Variants in ZNF726 observed in about 807,000 individuals in gnomAD.
ZNF726 encodes zinc finger protein 92 pseudogene 3.
In ZNF726, 15 loss-of-function variants were observed where a neutral mutation model predicts 11.6. The observed-to-expected ratio is 1.29, with a 90% CI of 0.86 to 1.99. ZNF726 has a LOEUF of 1.99. Among genes scored for constraint, ZNF726 ranks in the 30% most tolerant of loss-of-function variants. The pLI is 0.00. For synonymous variants in ZNF726, 295 were observed against 243.6 expected (o/e 1.21, Z -1.96); for missense variants, 890 against 725.6 (o/e 1.23, Z -2.60).
chr19:23,923,242 A>G (rs989465456), intron 3 of ZNF726, among the ~76,000 whole-genome samples: 9 of 152,064 alleles, frequency 5.9e-5, no homozygotes, highest in Non-Finnish European at 1.0e-4. Flanking sequence ...CTAAACTTGG[A>G]TTACAGTAGT....
chr19:23,937,953 GAACTT>G (rs1292384986), downstream of ZNF726, among the ~76,000 whole-genome samples: 5 of 152,334 alleles, frequency 3.3e-5, no homozygotes, highest in Admixed American at 1.3e-4. Flanking sequence ...AATTATGTGT[GAACTT>G]AACTTTTCAA....
At position 23,925,928 on chromosome 19, in the gene ZNF726, G is replaced by A. The variant is rs577919265; in HGVS notation, c.226+5846G>A. Among the ~76,000 whole-genome samples, 15 of 151,856 alleles carry A rather than the reference G, an allele frequency of 9.9e-5. No individual in the cohort carries two copies. In the South Asian group the frequency reaches 3.1e-3, roughly 32 times the overall value. ...GACAGAGTTTCACCATGTTGGTCAG[G>A]ATGGTCTGGAACACCTGTCCTCGTG... On this transcript the variant is annotated intron_variant, in intron 3 of 3. Transcript: ENST00000594466.
intron 1 of ZNF726, among the ~76,000 whole-genome samples, chr19:23,916,565 A>G (rs1252910338): frequency 6.6e-6 from 1 of 152,146 alleles, no homozygotes; most frequent in East Asian, 1.9e-4. Flanking sequence ...TTCTGGTTTC[A>G]AGTCATCCTC....
chr19:23,933,826 T>TG lies in ZNF726; in HGVS notation c.1712dup (p.Ala573SerfsTer3). The TG allele has an allele frequency of 1.2e-6, 2 of 1,602,516 alleles. No individual in the cohort carries two copies. The highest frequency in any genetic ancestry group is 2.7e-5 in the African/African-American group (2 of 74,592). On this transcript the variant is annotated frameshift_variant, in exon 4 of 4. Coordinates refer to ENST00000594466, the MANE Select transcript of ZNF726 (RefSeq NM_001244038.2). LOFTEE classifies it low-confidence loss of function (END_TRUNC). Reference sequence around the variant, plus strand: ...AGAAACCTTACAAGTGTGAAGAATGTGGAAAAGCGTTTAATCGATCCTCAA... The same window carrying TG: ...AGAAACCTTACAAGTGTGAAGAATGTGGGAAAAGCGTTTAATCGATCCTCAA...
intron 3 of ZNF726, among the ~76,000 whole-genome samples, chr19:23,924,973 G>A (rs1406266313): frequency 6.6e-6 from 1 of 151,898 alleles, no homozygotes; most frequent in Non-Finnish European, 1.5e-5. Context: ...TTTACATCTT[G>A]TAAAACTAAA....
intron 3 of ZNF726, among the ~76,000 whole-genome samples, chr19:23,931,003 TTC>T (rs1968091874): frequency 6.6e-6 from 1 of 152,200 alleles, no homozygotes; most frequent in Non-Finnish European, 1.5e-5. Context: ...TGGAGTCTTA[TTC>T]TGTCACCCTC....
Position 23,933,141 on chromosome 19 carries a change from A to C in ZNF726, c.1025A>C (p.Lys342Thr). The change falls in exon 4 of 4, where the codon AAA becomes ACA. Residue 342 changes from lysine (K) to threonine (T), a missense_variant. Lys to Thr is a moderately conservative substitution (Grantham distance 78, BLOSUM62 -1). Coordinates refer to ENST00000594466, the MANE Select transcript of ZNF726 (RefSeq NM_001244038.2). Reference protein sequence around the residue: ...KRLHSGEKPYKCEECAKAFSQ... With the variant: ...KRLHSGEKPYTCEECAKAFSQ... ...CTGCACAGTGGAGAGAAACCCTACA[A>C]ATGTGAAGAATGTGCCAAAGCTTTT... is the stretch of plus-strand genomic sequence containing the variant. 1 of 1,600,704 alleles carries C rather than the reference A, an allele frequency of 6.2e-7. No individual in the cohort carries two copies. Among genetic ancestry groups the C allele is most frequent in the Non-Finnish European group, 8.5e-7 (1 of 1,173,444 alleles).
chr19:23,938,463 A>G (rs1489570105), downstream of ZNF726, among the ~76,000 whole-genome samples: 3 of 152,104 alleles, frequency 2.0e-5, no homozygotes, highest in Admixed American at 2.0e-4. Flanking sequence ...TATCCTCTGT[A>G]CTTTGTATTA....
chr19:23,941,015 T>C (rs533324160), intron 3 of ZNF726, among the ~76,000 whole-genome samples: 2 of 152,286 alleles, frequency 1.3e-5, no homozygotes, highest in Non-Finnish European at 2.9e-5. Context: ...TCCAGAACTA[T>C]GTTGAAGTGG....
At chr19:23,938,599 CT>C (rs1173323919), downstream of ZNF726, among the ~76,000 whole-genome samples, 18 of 137,152 alleles carry the variant, frequency 1.3e-4, no homozygotes, top group South Asian at 1.2e-3. Context: ...GTTTTTTTTT[CT>C]TTTTTTTTTC....
chr19:23,917,947 T>A (rs1203906869), intron 1 of ZNF726, among the ~76,000 whole-genome samples: 1 of 152,224 alleles, frequency 6.6e-6, no homozygotes, highest in African/African-American at 2.4e-5. Context: ...GGGGTTTTAT[T>A]ACCTCTAAGC....
chr19:23,939,256 T>C (rs1355674519), downstream of ZNF726, among the ~76,000 whole-genome samples: 33 of 152,198 alleles, frequency 2.2e-4, no homozygotes. Context: ...TCACTTAGAA[T>C]AATAGTCTCC....
At chr19:23,941,512 T>C (rs1485126024) in intron 3 of ZNF726, among the ~76,000 whole-genome samples, 1 of 152,198 alleles carries the variant, frequency 6.6e-6, no homozygotes, top group African/African-American at 2.4e-5. Context: ...TAGGGAGGGT[T>C]CCTTCTTTCC....
chr19:23,914,902 G>C lies in ZNF726; in HGVS notation c.-93G>C. 1 of 1,574,358 alleles carries C rather than the reference G, an allele frequency of 6.4e-7. No individual in the cohort carries two copies. The highest frequency in any genetic ancestry group is 1.8e-5 in the Admixed American group (1 of 56,494). Reference sequence around the variant, plus strand: ...GGGGCCTTTGTCTCTATCTGCGGCCGGAGCTCCAGGTCTCGTCCTCACTAC... The same window carrying C: ...GGGGCCTTTGTCTCTATCTGCGGCCCGAGCTCCAGGTCTCGTCCTCACTAC... On this transcript the variant is annotated 5_prime_UTR_variant, in exon 1 of 4. Transcript: ENST00000594466.
chr19:23,914,940 G>T lies in ZNF726; in HGVS notation c.-55G>T. The T allele has an allele frequency of 6.2e-6, 10 of 1,612,452 alleles. 1 individual carries two copies. The South Asian group carries it at 7.7e-5, about 12-fold the overall frequency. ...TCGTCCTCACTACTCTGTGTCTTCT[G>T]CTTTTAGGGGCGCAGCCTCTGTGGC... On this transcript the variant is annotated 5_prime_UTR_variant, in exon 1 of 4. Transcript: ENST00000594466.
At chr19:23,916,320 ATC>A (rs1226190714) in intron 1 of ZNF726, among the ~76,000 whole-genome samples, 3 of 144,532 alleles carry the variant, frequency 2.1e-5, no homozygotes, top group East Asian at 4.1e-4. Context: ...ATTTTAATGA[ATC>A]TTTTTTTTTT....
chr19:23,941,211 G>A (rs1284998518), intron 3 of ZNF726, among the ~76,000 whole-genome samples: 2 of 152,036 alleles, frequency 1.3e-5, no homozygotes, highest in East Asian at 3.9e-4. Context: ...TTTGTCAAAT[G>A]GTTTTTCTGC....
chr19:23,933,044 G>C lies in ZNF726; in HGVS notation c.928G>C (p.Glu310Gln), dbSNP rs768866834. ...CATACATAAGAGGATGCACATTGGA[G>C]AGAAACCCTACAAATGTGAAGAATG... Reference protein sequence around the residue: ...LTIHKRMHIGEKPYKCEECGK... With the variant: ...LTIHKRMHIGQKPYKCEECGK... Residue 310 changes from glutamate (E) to glutamine (Q), a missense_variant, in exon 4 of 4, where the codon GAG becomes CAG. By Grantham distance (29) the Glu-to-Gln change is conservative. Transcript: ENST00000594466. 8.7e-6 allele frequency: 14 copies of C among 1,613,484 alleles called. 1 individual carries two copies. In the South Asian group the frequency reaches 1.5e-4, roughly 18 times the overall value.
intron 1 of ZNF726, among the ~76,000 whole-genome samples, chr19:23,917,724 A>G (rs1055634727): frequency 3.3e-5 from 5 of 152,210 alleles, no homozygotes; most frequent in Non-Finnish European, 5.9e-5. Context: ...TCTGAAAGGA[A>G]TACATAGTTT....
Sources: allele counts gnomAD v4.1 joint callset (sites outside exome capture counted in the v4.1 genomes callset), GRCh38; gene constraint gnomAD v4.1.1; transcripts MANE v1.5; gene names NCBI Gene and HGNC (gene_info 2026-07-23, HGNC 2026-07-21).